Variants in GREB1L observed in about 807,000 individuals in gnomAD.
GREB1L encodes GREB1-like protein.
Under a neutral mutation model 200.8 loss-of-function variants are expected in GREB1L, and 17 were observed. That is an observed-to-expected ratio of 0.08 (90% confidence interval 0.06 to 0.13). The LOEUF is 0.13. Among genes scored for constraint, GREB1L ranks in the 10% least tolerant of loss-of-function variants. The probability of loss-of-function intolerance (pLI) is 1.00; values close to 1 mark genes in which losing one functional copy is unlikely to be tolerated. For synonymous variants in GREB1L, 789 were observed against 893.0 expected, an observed-to-expected ratio of 0.88 and a Z score of 2.08; for missense variants, 1,657 against 2,367.7, an observed-to-expected ratio of 0.70 and a Z score of 6.23.
At chr18:21,463,885 T>G (rs1181533212) in intron 15 of GREB1L, among the ~76,000 whole-genome samples, 1 of 152,170 alleles carries the variant, frequency 6.6e-6, no homozygotes, top group Non-Finnish European at 1.5e-5. Context: ...TTCTGGAATA[T>G]TTTGTTGTGC....
chr18:21,472,828 C>T (rs1287887358), intron 15 of GREB1L, among the ~76,000 whole-genome samples: 2 of 152,024 alleles, frequency 1.3e-5, no homozygotes, highest in African/African-American at 2.4e-5. Flanking sequence ...GGGAGGTGAG[C>T]GGCAGTGTTA....
At chr18:21,428,764 C>T (rs1258628303) in intron 7 of GREB1L, among the ~76,000 whole-genome samples, 4 of 122,916 alleles carry the variant, frequency 3.3e-5, no homozygotes, top group Non-Finnish European at 6.2e-5. Flanking sequence ...TCAGCCCGGG[C>T]TGGAGTGCAA....
chr18:21,295,567 T>A (rs912048388), intron 1 of GREB1L, among the ~76,000 whole-genome samples: 2 of 152,172 alleles, frequency 1.3e-5, no homozygotes, highest in Non-Finnish European at 2.9e-5. Context: ...TTTGCTGAAT[T>A]TCCCTAAAAA....
intron 7 of GREB1L, among the ~76,000 whole-genome samples, chr18:21,436,962 C>T (rs1182631967): frequency 6.6e-6 from 1 of 152,094 alleles, no homozygotes; most frequent in Non-Finnish European, 1.5e-5. Flanking sequence ...CAGCCAGCCT[C>T]AGTCACCCAA....
At chr18:21,319,380 C>A (rs1414994913) in intron 1 of GREB1L, among the ~76,000 whole-genome samples, 5 of 152,190 alleles carry the variant, frequency 3.3e-5, no homozygotes, top group African/African-American at 7.2e-5. Context: ...AAGGCTTTTC[C>A]TATTATTTAT....
intron 15 of GREB1L, among the ~76,000 whole-genome samples, chr18:21,461,645 T>C (rs2035051687): frequency 6.6e-6 from 1 of 152,094 alleles, no homozygotes; most frequent in African/African-American, 2.4e-5. Flanking sequence ...TTTCTCCCAC[T>C]GTGTGTGTGT....
intron 1 of GREB1L, among the ~76,000 whole-genome samples, chr18:21,342,763 A>G (rs2039287676): frequency 1.3e-5 from 2 of 152,140 alleles, no homozygotes; most frequent in South Asian, 4.1e-4. Context: ...CTGTCCCCCA[A>G]AAGAGTAGAG....
At chr18:21,513,009 C>T (rs2037295046) in intron 27 of GREB1L, among the ~76,000 whole-genome samples, 1 of 152,148 alleles carries the variant, frequency 6.6e-6, no homozygotes, top group African/African-American at 2.4e-5. Context: ...TACTGACTAT[C>T]ATCTTGATAA....
intron 2 of GREB1L, among the ~76,000 whole-genome samples, chr18:21,375,709 G>A (rs1300862139): frequency 1.3e-5 from 2 of 152,160 alleles, no homozygotes; most frequent in Non-Finnish European, 2.9e-5. Flanking sequence ...CTGTTTACCT[G>A]TTTCCTTGTA....
chr18:21,446,019 TTTGA>T (rs2034195939), intron 11 of GREB1L, among the ~76,000 whole-genome samples: 2 of 152,064 alleles, frequency 1.3e-5, no homozygotes, highest in Admixed American at 6.6e-5. Context: ...TGTTTGTTTG[TTTGA>T]TTATTTGTTT....
intron 5 of GREB1L, among the ~76,000 whole-genome samples, chr18:21,398,941 G>C (rs557112825): frequency 4.6e-5 from 7 of 152,260 alleles, no homozygotes; most frequent in Non-Finnish European, 1.0e-4. Flanking sequence ...TTGAAGGAAG[G>C]CTAATGCTGA....
chr18:21,396,548 C>T (rs2041074820), intron 5 of GREB1L, among the ~76,000 whole-genome samples: 1 of 152,116 alleles, frequency 6.6e-6, no homozygotes, highest in African/African-American at 2.4e-5. Context: ...GGATTATTCA[C>T]TTTGTAAGTT....
intron 14 of GREB1L, among the ~76,000 whole-genome samples, chr18:21,453,861 A>G (rs1271485364): frequency 6.6e-6 from 1 of 152,174 alleles, no homozygotes; most frequent in Non-Finnish European, 1.5e-5. Context: ...GTTGCAACTG[A>G]CTTGCTAAAG....
intron 1 of GREB1L, among the ~76,000 whole-genome samples, chr18:21,282,173 C>T (rs897271535): frequency 6.6e-6 from 1 of 152,054 alleles, no homozygotes; most frequent in Non-Finnish European, 1.5e-5. Flanking sequence ...CTACTCAAGA[C>T]GCTGTCAGGA....
chr18:21,473,309 C>G, intron 16 of GREB1L, 98 bp downstream of exon 16: 1 of 893,220 alleles, frequency 1.1e-6, no homozygotes, highest in South Asian at 2.5e-5. Context: ...GTGGCTCACA[C>G]CTGTAATCCC....
intron 1 of GREB1L, chr18:21,363,655 G>A (rs143472356): frequency 2.0e-5 from 3 of 152,110 alleles, no homozygotes; most frequent in African/African-American, 4.8e-5. Flanking sequence ...TGAACTGCTG[G>A]TTGAAGCAAA....
chr18:21,428,196 C>CA (rs60750456), intron 7 of GREB1L, among the ~76,000 whole-genome samples: 2,094 of 48,160 alleles, frequency 0.043, 464 homozygotes, highest in Non-Finnish European at 0.085. Flanking sequence ...GACTCCGTCT[C>CA]AAAAAAAAAA....
Position 21,508,715 on chromosome 18 carries a change from G to A in GREB1L, c.4735+124G>A, listed in dbSNP as rs1229255759. 3,286 of 379,496 alleles carry A rather than the reference G, an allele frequency of 8.7e-3. 12 individuals are homozygous for A. Among genetic ancestry groups the A allele is most frequent in the Middle Eastern group, 0.014 (19 of 1,316 alleles). 23.5% of individuals were successfully genotyped at this position (379,496 alleles called of 1,614,324 possible). A position where few individuals can be genotyped will look rare whatever the true frequency, so the allele number is the denominator to read the frequency against. Reference sequence around the variant, plus strand: ...GTCCTGCCCTCCTCACCACTCTTCGGAAAAAAAAAAAAAAAAAAGCTTTTT... The same window carrying A: ...GTCCTGCCCTCCTCACCACTCTTCGAAAAAAAAAAAAAAAAAAAGCTTTTT... On this transcript the variant is annotated intron_variant, in intron 27 of 32. Coordinates refer to ENST00000424526, the MANE Select transcript of GREB1L (RefSeq NM_001142966.3).
chr18:21,251,771 C>T (rs2037708765), intron 1 of GREB1L, among the ~76,000 whole-genome samples: 1 of 151,950 alleles, frequency 6.6e-6, no homozygotes, highest in South Asian at 2.1e-4. Flanking sequence ...ATGGTGAAAC[C>T]CAGTCTGTAC....
Sources: gnomAD v4.1 joint callset for allele counts (sites outside exome capture counted in the v4.1 genomes callset) on GRCh38, gnomAD v4.1.1 for gene constraint, MANE v1.5 for transcripts, NCBI Gene and HGNC (gene_info 2026-07-23, HGNC 2026-07-21) for gene names.